Variants in ATXN1 observed in about 807,000 individuals in gnomAD.
ATXN1 encodes the protein ataxin-1.
A neutral mutation model predicts 56.4 loss-of-function variants in ATXN1; 8 were observed. The observed-to-expected ratio is 0.14, with a 90% confidence interval of 0.08 to 0.26. ATXN1 has a LOEUF of 0.26. Among genes scored for constraint, ATXN1 ranks in the 10% least tolerant of loss-of-function variants. ATXN1 has a pLI of 1.00. For missense variants in ATXN1, 987 were observed against 1,106.5 expected, an observed-to-expected ratio of 0.89 and a Z score of 1.53; for synonymous variants, 514 against 494.6, an observed-to-expected ratio of 1.04 and a Z score of -0.52.
intron 4 of ATXN1, among the ~76,000 whole-genome samples, chr6:16,535,327 G>C (rs572596906): frequency 9.2e-5 from 14 of 152,332 alleles, no homozygotes; most frequent in African/African-American, 3.1e-4. Flanking sequence ...TACTGTGACA[G>C]GGAATATCCA....
chr6:16,636,912 T>C (rs1210070346), intron 3 of ATXN1, among the ~76,000 whole-genome samples: 1 of 152,184 alleles, frequency 6.6e-6, no homozygotes, highest in Non-Finnish European at 1.5e-5. Context: ...TGCAAACTAG[T>C]TCAACCATTG....
rs1760144758 is a variant in ATXN1 at position 16,302,868 on chromosome 6, C to T, written c.*3461G>A. The T allele has an allele frequency of 6.5e-6, 1 of 152,686 alleles. No individual in the cohort carries two copies. The allele number at this position is 152,686 out of a possible 1,614,324, so 9.5% of individuals were successfully genotyped here. A position where few individuals can be genotyped will look rare whatever the true frequency, so the allele number is the denominator to read the frequency against. On this transcript the variant is annotated 3_prime_UTR_variant, in exon 8 of 8. Transcript: ENST00000436367. ...TAAGCTGAACGGCACCGAAGAATTT[C>T]TACCCCTGTCATCGTTAATGTTTGC...
chr6:16,395,103 C>G (rs534596901), intron 6 of ATXN1, among the ~76,000 whole-genome samples: 2 of 151,884 alleles, frequency 1.3e-5, no homozygotes, highest in South Asian at 4.2e-4. Flanking sequence ...GAAATCCCGT[C>G]TCTACTAAAA....
intron 4 of ATXN1, among the ~76,000 whole-genome samples, chr6:16,553,302 C>T (rs923675114): frequency 3.9e-5 from 6 of 152,130 alleles, no homozygotes; most frequent in Non-Finnish European, 4.4e-5. Flanking sequence ...CCTTTCATGG[C>T]GTTATTTCAC....
At chr6:16,338,610 A>G (rs1761177750) in intron 6 of ATXN1, among the ~76,000 whole-genome samples, 1 of 152,248 alleles carries the variant, frequency 6.6e-6, no homozygotes, top group African/African-American at 2.4e-5. Flanking sequence ...GGGAAGAATT[A>G]ACATGCACAG....
chr6:16,539,175 A>G (rs1458102127), intron 4 of ATXN1, among the ~76,000 whole-genome samples: 1 of 152,212 alleles, frequency 6.6e-6, no homozygotes, highest in East Asian at 1.9e-4. Flanking sequence ...GTGTTGATCC[A>G]GCTTAAATGT....
At chr6:16,718,845 C>T (rs554966876) in intron 2 of ATXN1, among the ~76,000 whole-genome samples, 1 of 152,300 alleles carries the variant, frequency 6.6e-6, no homozygotes, top group South Asian at 2.1e-4. Context: ...ATGAAGACAA[C>T]CACACACTTT....
chr6:16,306,895 G>A lies in ATXN1; in HGVS notation c.1918-36C>T, dbSNP rs753357724. The A allele has an allele frequency of 2.1e-5, 32 of 1,554,294 alleles. No individual in the cohort carries two copies. The highest frequency in any genetic ancestry group is 2.2e-5 in the Non-Finnish European group (25 of 1,155,900). ...AGGGAGAGACAGAGAGAGGAAGAAG[G>A]AAGGGAACAAATGAAAACATTTTAT... On this transcript the variant is annotated intron_variant, in intron 7 of 7. Transcript: ENST00000436367. This position sits in a 1 kb window ranked among gnomAD's most constrained non-coding sequence, Gnocchi z 5.2.
chr6:16,715,556 T>A (rs541136875), intron 2 of ATXN1, among the ~76,000 whole-genome samples: 135 of 152,358 alleles, frequency 8.9e-4, no homozygotes, highest in Non-Finnish European at 1.7e-3. Context: ...AAAGATACTA[T>A]GAACTTAGTA....
chr6:16,434,467 G>C (rs1370693051), intron 6 of ATXN1, among the ~76,000 whole-genome samples: 1 of 152,166 alleles, frequency 6.6e-6, no homozygotes, highest in Non-Finnish European at 1.5e-5. Flanking sequence ...TTACTGAATG[G>C]AAATGTTCCT....
intron 6 of ATXN1, among the ~76,000 whole-genome samples, chr6:16,341,877 A>ATTT (rs34092584): frequency 0.016 from 1,422 of 86,788 alleles, 109 homozygotes; most frequent in African/African-American, 0.045. Context: ...TGTCTCAGTG[A>ATTT]TTTTTTTTTT....
chr6:16,740,401 T>C (rs1490859927), intron 2 of ATXN1, among the ~76,000 whole-genome samples: 4 of 152,194 alleles, frequency 2.6e-5, no homozygotes, highest in African/African-American at 9.6e-5. Context: ...TAATCTCTTC[T>C]GTAACATCTA....
intron 6 of ATXN1, among the ~76,000 whole-genome samples, chr6:16,406,186 TGA>T (rs1022815838): frequency 6.6e-6 from 1 of 152,174 alleles, no homozygotes; most frequent in African/African-American, 2.4e-5. Flanking sequence ...TAAGTTAAAA[TGA>T]GAGACTAAAA....
At chr6:16,713,294 G>C (rs1362967227) in intron 2 of ATXN1, among the ~76,000 whole-genome samples, 1 of 152,098 alleles carries the variant, frequency 6.6e-6, no homozygotes, top group Non-Finnish European at 1.5e-5. Context: ...ATTTACAAAC[G>C]CTGGGTTTAC....
At chr6:16,566,772 C>G (rs1010216417) in intron 4 of ATXN1, among the ~76,000 whole-genome samples, 1 of 152,028 alleles carries the variant, frequency 6.6e-6, no homozygotes, top group Non-Finnish European at 1.5e-5. Flanking sequence ...AGGAGAATCG[C>G]TTGAATCTGG....
chr6:16,545,090 AT>A (rs992467336), intron 4 of ATXN1, among the ~76,000 whole-genome samples: 2 of 151,966 alleles, frequency 1.3e-5, no homozygotes, highest in Admixed American at 6.6e-5. Context: ...ATGTTGTGGG[AT>A]TTTTTTTCAA....
At chr6:16,618,667 A>C (rs1763263590) in intron 3 of ATXN1, among the ~76,000 whole-genome samples, 1 of 149,912 alleles carries the variant, frequency 6.7e-6, no homozygotes, top group Non-Finnish European at 1.5e-5. Flanking sequence ...GGTTGCAGTG[A>C]GCCAAGATCG....
intron 3 of ATXN1, among the ~76,000 whole-genome samples, chr6:16,601,711 G>T (rs143523999): frequency 8.0e-4 from 122 of 152,162 alleles, no homozygotes; most frequent in African/African-American, 2.9e-3. Context: ...ATATTAGTTG[G>T]GTGTGGTGGC....
intron 2 of ATXN1, among the ~76,000 whole-genome samples, chr6:16,679,092 A>T (rs1581357873): frequency 6.6e-6 from 1 of 151,714 alleles, no homozygotes; most frequent in East Asian, 1.9e-4. Flanking sequence ...GGATGAATAG[A>T]TGGATGGATA....
Sources: gnomAD v4.1 joint callset for allele counts (sites outside exome capture counted in the v4.1 genomes callset) on GRCh38, gnomAD v4.1.1 for gene constraint, Gnocchi (gnomAD v3.1) non-coding constraint, MANE v1.5 for transcripts, NCBI Gene and HGNC (gene_info 2026-07-23, HGNC 2026-07-21) for gene names.